Variants in DGLUCY observed in about 807,000 individuals in gnomAD.
The protein encoded by DGLUCY is D-glutamate cyclase.
DGLUCY carries 58 observed loss-of-function variants against 58.5 expected under a neutral mutation model. That is an observed-to-expected ratio of 0.99 (90% CI 0.80 to 1.23). The LOEUF (loss-of-function observed/expected upper bound fraction) is 1.23. Among genes scored for constraint, DGLUCY ranks in the 50% most tolerant of loss-of-function variants. DGLUCY has a pLI of 0.00. For synonymous variants in DGLUCY, 325 were observed against 314.1 expected (o/e 1.03, Z -0.37); for missense variants, 779 against 784.7 (o/e 0.99, Z 0.09).
At chr14:91,190,854 G>C (rs116181821) in intron 9 of DGLUCY, among the ~76,000 whole-genome samples, 1 of 152,192 alleles carries the variant, frequency 6.6e-6, no homozygotes, top group Non-Finnish European at 1.5e-5. Flanking sequence ...GCCATGTTCT[G>C]TGTGGGTTGT....
chr14:91,163,842 A>T (rs570048770), intron 3 of DGLUCY, among the ~76,000 whole-genome samples: 1 of 152,262 alleles, frequency 6.6e-6, no homozygotes, highest in Non-Finnish European at 1.5e-5. Context: ...CATAAAAAGC[A>T]CTCAGTAAAT....
At position 91,141,699 on chromosome 14, in the gene DGLUCY, G is replaced by C. The variant is rs2046691807; in HGVS notation, c.-81-15940G>C. On this transcript the variant is annotated intron_variant, in intron 1 of 13. Transcript: ENST00000256324. ...CACCAGTAGCTGGGATTACAGGCAT[G>C]CACCACTGCACCCAGCTAACTTTGT... Among the ~76,000 whole-genome samples the C allele has an allele frequency of 5.3e-5, 8 of 151,826 alleles. No individual in the cohort carries two copies. In the South Asian group the frequency reaches 1.7e-3, roughly 31 times the overall value.
chr14:91,128,083 C>T (rs2140180404), intron 1 of DGLUCY, among the ~76,000 whole-genome samples: 1 of 152,180 alleles, frequency 6.6e-6, no homozygotes, highest in South Asian at 2.1e-4. Flanking sequence ...CCCACCTCAA[C>T]ACAGCAAATT....
At chr14:91,192,587 C>T (rs1012825213) in intron 9 of DGLUCY, among the ~76,000 whole-genome samples, 1 of 152,038 alleles carries the variant, frequency 6.6e-6, no homozygotes, top group Non-Finnish European at 1.5e-5. Flanking sequence ...CTGTCCAAAA[C>T]CCCGTTTCCA....
chr14:91,073,509 A>G (rs2043957860), intron 1 of DGLUCY, among the ~76,000 whole-genome samples: 1 of 152,146 alleles, frequency 6.6e-6, no homozygotes, highest in South Asian at 2.1e-4. Flanking sequence ...AGATTTTTGT[A>G]TTTTTAGTAG....
At chr14:91,149,580 C>T (rs1314799529) in intron 1 of DGLUCY, among the ~76,000 whole-genome samples, 1 of 152,202 alleles carries the variant, frequency 6.6e-6, no homozygotes, top group Non-Finnish European at 1.5e-5. Flanking sequence ...TTACTGTTGG[C>T]AGTATCATAC....
At chr14:91,203,163 G>A (rs574921825) in intron 11 of DGLUCY, among the ~76,000 whole-genome samples, 1 of 152,182 alleles carries the variant, frequency 6.6e-6, no homozygotes, top group Non-Finnish European at 1.5e-5. Context: ...TTCATAAGAT[G>A]CTAAAAAGAG....
Position 91,225,066 on chromosome 14 carries a change from A to G in DGLUCY, c.*233A>G, listed in dbSNP as rs1217773285. The G allele has an allele frequency of 1.5e-5, 6 of 401,208 alleles. No individual in the cohort carries two copies. Among genetic ancestry groups the G allele is most frequent in the African/African-American group, 1.2e-4 (6 of 48,670 alleles). 24.9% of individuals were successfully genotyped at this position (401,208 alleles called of 1,614,324 possible). A position where few individuals can be genotyped will look rare whatever the true frequency, so the allele number is the denominator to read the frequency against. On this transcript the variant is annotated 3_prime_UTR_variant, in exon 14 of 14. Transcript: ENST00000256324. ...TTTTAACTTTTATTCCTAAGACTCT[A>G]AAGGCGTTGATTTCAACCCTCCTTC...
intron 12 of DGLUCY, among the ~76,000 whole-genome samples, chr14:91,211,702 A>G (rs908695476): frequency 1.3e-5 from 2 of 152,264 alleles, no homozygotes; most frequent in Non-Finnish European, 2.9e-5. Flanking sequence ...TGGATTATGA[A>G]CTTAAACATA....
At chr14:91,124,643 C>T (rs563232670) in intron 1 of DGLUCY, among the ~76,000 whole-genome samples, 73 of 152,298 alleles carry the variant, frequency 4.8e-4, no homozygotes, top group African/African-American at 1.7e-3. Context: ...AGAAACAAAT[C>T]AGCCTGTTTC....
chr14:91,093,148 G>A (rs989270412), intron 1 of DGLUCY, among the ~76,000 whole-genome samples: 6 of 151,920 alleles, frequency 3.9e-5, no homozygotes, highest in African/African-American at 1.5e-4. Flanking sequence ...ACAAGAGGTT[G>A]GAGGAATTTA....
At position 91,157,267 on chromosome 14, in the gene DGLUCY, G is replaced by GTGGATGAATGAATGGGTGGA. The variant is rs1555398859; in HGVS notation, c.-81-366_-81-365insAATGAATGGGTGGATGGATG. 8.4e-4 allele frequency among the ~76,000 whole-genome samples: 119 copies of GTGGATGAATGAATGGGTGGA among 141,756 alleles called. 1 individual carries two copies. The highest frequency in any genetic ancestry group is 3.8e-3 in the Middle Eastern group (1 of 266). 93.0% of individuals were successfully genotyped at this position (141,756 alleles called of 152,430 possible). On this transcript the variant is annotated intron_variant, in intron 1 of 13. Coordinates refer to ENST00000256324, the MANE Select transcript of DGLUCY (RefSeq NM_001102368.3). ...GATGGATGGATGGATGAATGAATGG[G>GTGGATGAATGAATGGGTGGA]TGGATGGATGGATGGGTGGGTGGAT...
chr14:91,084,204 C>CT (rs35881437), intron 1 of DGLUCY, among the ~76,000 whole-genome samples: 2,106 of 136,626 alleles, frequency 0.015, 40 homozygotes, highest in African/African-American at 0.044. Context: ...ATCTGTCTCT[C>CT]TTTTTTTTTT....
intron 10 of DGLUCY, among the ~76,000 whole-genome samples, chr14:91,196,957 G>A (rs1014137072): frequency 6.6e-6 from 1 of 151,948 alleles, no homozygotes; most frequent in Non-Finnish European, 1.5e-5. Context: ...TGTGTGTTAT[G>A]GTCAAACTTT....
At chr14:91,114,819 G>A (rs2044813598) in intron 1 of DGLUCY, 1 of 152,376 alleles carries the variant, frequency 6.6e-6, no homozygotes, top group African/African-American at 2.4e-5. Flanking sequence ...CGGCCAGGCT[G>A]ATCACCCCTG....
Position 91,224,895 on chromosome 14 carries a change from G to C in DGLUCY, c.*62G>C. Reference sequence around the variant, plus strand: ...GGGCAGGTCTGCATCCGGGGAGAATGCAGCTGCTTCTGGCGACAATCCTGC... The same window carrying C: ...GGGCAGGTCTGCATCCGGGGAGAATCCAGCTGCTTCTGGCGACAATCCTGC... On this transcript the variant is annotated 3_prime_UTR_variant, in exon 14 of 14. Coordinates refer to ENST00000256324, the MANE Select transcript of DGLUCY (RefSeq NM_001102368.3). 6.7e-7 allele frequency: 1 copy of C among 1,489,396 alleles called. No homozygotes were observed. 92.3% of individuals were successfully genotyped at this position (1,489,396 alleles called of 1,614,324 possible).
At chr14:91,102,908 C>G (rs536957558) in intron 1 of DGLUCY, among the ~76,000 whole-genome samples, 1 of 151,770 alleles carries the variant, frequency 6.6e-6, no homozygotes, top group Non-Finnish European at 1.5e-5. Flanking sequence ...ATTGCAGGTA[C>G]CCCCCATCAT....
chr14:91,077,595 T>C (rs1566932117), intron 1 of DGLUCY, among the ~76,000 whole-genome samples: 1 of 151,472 alleles, frequency 6.6e-6, no homozygotes, highest in Non-Finnish European at 1.5e-5. Flanking sequence ...CTATTAAAAA[T>C]ACAAAAATTA....
At chr14:91,220,144 T>G (rs1803986763) in intron 13 of DGLUCY, among the ~76,000 whole-genome samples, 2 of 152,178 alleles carry the variant, frequency 1.3e-5, no homozygotes. Flanking sequence ...CTGCCTTGGG[T>G]GAGTGAAGTG....
Sources: gnomAD v4.1 joint callset for allele counts (sites outside exome capture counted in the v4.1 genomes callset) on GRCh38, gnomAD v4.1.1 for gene constraint, MANE v1.5 for transcripts, NCBI Gene and HGNC (gene_info 2026-07-23, HGNC 2026-07-21) for gene names.